MEGF8: variants seen among roughly 807,000 people sequenced by gnomAD.
MEGF8 encodes the protein multiple EGF like domains 8.
In MEGF8, 156 loss-of-function variants were observed where a neutral mutation model predicts 302.9. The observed-to-expected ratio is 0.52, with a 90% CI of 0.45 to 0.59. The LOEUF is 0.59. MEGF8 is among the 20% of genes least tolerant of loss of function. The probability of loss-of-function intolerance (pLI) is 0.00; values close to 1 mark genes in which losing one functional copy is unlikely to be tolerated. For missense variants in MEGF8, 3,345 were observed against 3,964.5 expected (o/e 0.84, Z 4.20); for synonymous variants, 1,621 against 1,660.5 (o/e 0.98, Z 0.58).
chr19:42,367,482 G>A (rs931709816), intron 35 of MEGF8, among the ~76,000 whole-genome samples: 23 of 152,012 alleles, frequency 1.5e-4, no homozygotes, highest in Non-Finnish European at 3.1e-4. Context: ...TAGAGACAGG[G>A]TTTCACCATG....
Position 42,326,033 on chromosome 19 carries a change from T to A in MEGF8, c.-211T>A. 1.4e-6 allele frequency: 1 copy of A among 734,378 alleles called. No homozygotes were observed. 45.5% of individuals were successfully genotyped at this position (734,378 alleles called of 1,614,324 possible). ...ATGACTCCATATACAGGGCCTTCCA[T>A]CGCTCTATAGGGCTCAGCCCTCGGC... On this transcript the variant is annotated 5_prime_UTR_variant, in exon 1 of 42. Coordinates refer to ENST00000251268, the MANE Select transcript of MEGF8 (RefSeq NM_001271938.2).
In MEGF8 at chr19:42,375,482, T is replaced by C; in HGVS notation, c.7270-25T>C. 6.5e-7 allele frequency: 1 copy of C among 1,541,360 alleles called. No homozygotes were observed. The highest frequency in any genetic ancestry group is 1.4e-5 in the African/African-American group (1 of 73,190). On this transcript the variant is annotated intron_variant, in intron 41 of 41. Transcript: ENST00000251268. This position sits in a 1 kb window ranked among gnomAD's most constrained non-coding sequence, Gnocchi z 7.1. ...CTGGCACCGCACTCAGCCCTGATGG[T>C]CACCGCCTCTAACCCTGCCCGCAGT...
In MEGF8 at chr19:42,336,999, G is replaced by A; in HGVS notation, c.1390+47G>A. 1 of 1,613,486 alleles carries A rather than the reference G, an allele frequency of 6.2e-7. No homozygotes were observed. Among genetic ancestry groups the A allele is most frequent in the South Asian group, 1.1e-5 (1 of 91,028 alleles). ...GCCTGCCTGCCTGCTGAGGGCCTGA[G>A]CCAACCCTGAGCTGAGGCTCCCTGC... On this transcript the variant is annotated intron_variant, in intron 7 of 41. Transcript: ENST00000251268. This position sits in a 1 kb window ranked among gnomAD's most constrained non-coding sequence, Gnocchi z 4.8.
chr19:42,349,578 C>G lies in MEGF8; in HGVS notation c.2378C>G (p.Pro793Arg). 6.2e-7 allele frequency: 1 copy of G among 1,611,998 alleles called. No individual in the cohort carries two copies. The highest frequency in any genetic ancestry group is 8.5e-7 in the Non-Finnish European group (1 of 1,179,840). The change falls in exon 14 of 42, where the codon CCT (proline) becomes CGT (arginine). Residue 793 changes from proline (P) to arginine (R), a missense_variant. Coordinates refer to ENST00000251268, the MANE Select transcript of MEGF8 (RefSeq NM_001271938.2). ...CGCCCTGGGTCTGCTCGCCTCTTCC[C>G]TCTGCCTGGGCGGGACCACAAGTAT... is the stretch of plus-strand genomic sequence containing the variant. ...LQRPGSARLF[P>R]LPGRDHKYAV...
Position 42,353,003 on chromosome 19 carries a change from A to G in MEGF8, c.3426A>G (p.Thr1142=), listed in dbSNP as rs137894484. The G allele has an allele frequency of 1.0e-4, 165 of 1,582,856 alleles. No individual in the cohort carries two copies. In the South Asian group the frequency reaches 1.8e-3, roughly 17 times the overall value. ...DFTCVCDLGW[T]SDLPPPTPAP... is the part of the protein sequence containing the mutation. ...CCTGCGTGTGTGACCTAGGCTGGACATCAGACCTGCCCCCTCCCACACCCG... is the reference window on the plus strand; with the variant it reads ...CCTGCGTGTGTGACCTAGGCTGGACGTCAGACCTGCCCCCTCCCACACCCG... The change falls in exon 20 of 42, where the codon ACA becomes ACG. Residue 1142 remains threonine (T), a synonymous_variant. Transcript: ENST00000251268. The surrounding 1 kb of genome is among the most constrained non-coding windows in gnomAD (Gnocchi z 6.1).
intron 1 of MEGF8, among the ~76,000 whole-genome samples, chr19:42,329,789 T>C (rs2039031901): frequency 6.6e-6 from 1 of 151,752 alleles, no homozygotes; most frequent in African/African-American, 2.4e-5. Flanking sequence ...GGCAGATCCC[T>C]TGAGCCTAGG....
intron 41 of MEGF8, among the ~76,000 whole-genome samples, chr19:42,374,470 CAAAAAAAAAAAAA>C (rs58700897): frequency 1.8e-5 from 1 of 56,290 alleles, no homozygotes; most frequent in African/African-American, 5.6e-5. Flanking sequence ...GACTCTGTCT[CAAAAAAAAAAAAA>C]AAAAAAAAAG....
chr19:42,366,517 T>C (rs372557912), intron 35 of MEGF8, among the ~76,000 whole-genome samples: 95 of 152,338 alleles, frequency 6.2e-4, no homozygotes, highest in African/African-American at 2.2e-3. Context: ...TTCTTTTTAA[T>C]GGCTTTGGCC....
Position 42,369,694 on chromosome 19 carries a change from C to T in MEGF8, c.6805C>T (p.His2269Tyr). The stretch of plus-strand genomic sequence containing the variant: ...ATGCGCTGGTGTTGGGGCGCGTGAC[C>T]ACTGCTTGCTCTGCCGCAACCACAC... ...SECAGVGARD[H>Y]CLLCRNHTKG... is the part of the protein sequence containing the mutation. The change falls in exon 38 of 42, where the codon CAC (histidine) becomes TAC (tyrosine). Residue 2269 changes from histidine to tyrosine, a missense_variant. His to Tyr is a moderately conservative substitution (Grantham distance 83, BLOSUM62 2). Coordinates refer to ENST00000251268, the MANE Select transcript of MEGF8 (RefSeq NM_001271938.2). The surrounding 1 kb of genome is among the most constrained non-coding windows in gnomAD (Gnocchi z 5.7). 1.9e-6 allele frequency: 3 copies of T among 1,610,650 alleles called. No individual in the cohort carries two copies. The highest frequency in any genetic ancestry group is 2.5e-6 in the Non-Finnish European group (3 of 1,179,124).
intron 1 of MEGF8, among the ~76,000 whole-genome samples, chr19:42,327,070 C>G (rs2038994486): frequency 6.6e-6 from 1 of 152,156 alleles, no homozygotes; most frequent in Non-Finnish European, 1.5e-5. Flanking sequence ...TTTCCTTCCC[C>G]CACAAATGGG....
Position 42,357,580 on chromosome 19 carries a change from C to T in MEGF8, c.5007C>T (p.Pro1669=), listed in dbSNP as rs755932452. ...CAGGAGCCCAGAGTGGGACACCCCC[C>T]ACAGGTGGGGCTGGGGACCGGGAGG... The part of the protein sequence containing the change: ...WVSGAQSGTP[P]TGLYGHSAVY... Residue 1669 remains proline, a synonymous_variant, in exon 28 of 42, where the codon CCC becomes CCT. Coordinates refer to ENST00000251268, the MANE Select transcript of MEGF8 (RefSeq NM_001271938.2). The surrounding 1 kb of genome is among the most constrained non-coding windows in gnomAD (Gnocchi z 5.2). 7 of 1,601,296 alleles carry T rather than the reference C, an allele frequency of 4.4e-6. No homozygotes were observed. Among genetic ancestry groups the T allele is most frequent in the Non-Finnish European group, 5.1e-6 (6 of 1,174,628 alleles).
chr19:42,376,596 C>A lies in MEGF8; in HGVS notation c.8359C>A (p.Leu2787Met). 6.5e-7 allele frequency: 1 copy of A among 1,549,584 alleles called. No individual in the cohort carries two copies. Among genetic ancestry groups the A allele is most frequent in the Non-Finnish European group, 8.7e-7 (1 of 1,149,816 alleles). Residue 2787 changes from leucine to methionine, a missense_variant, in exon 42 of 42, where the codon CTG becomes ATG. Transcript: ENST00000251268. This position sits in a 1 kb window ranked among gnomAD's most constrained non-coding sequence, Gnocchi z 8.2. ...TGGCGTGGCCACACTGCTGCTCCAG[C>A]TGCCTGGCGGGCCCCATGCACCCAA... ...MAGVATLLLQ[L>M]PGGPHAPNGA...
Position 42,349,618 on chromosome 19 carries a change from G to T in MEGF8, c.2418G>T (p.Gln806His), listed in dbSNP as rs184412435. Residue 806 changes from glutamine to histidine, a missense_variant, in exon 14 of 42, where the codon CAG becomes CAT. Coordinates refer to ENST00000251268, the MANE Select transcript of MEGF8 (RefSeq NM_001271938.2). ...GRDHKYAVEI[Q>H]GQLNGSAGPG... Reference sequence around the variant, plus strand: ...ACCACAAGTATGCAGTAGAGATCCAGGGCCAGCTCAATGGCTCGGCAGGCC... The same window carrying T: ...ACCACAAGTATGCAGTAGAGATCCATGGCCAGCTCAATGGCTCGGCAGGCC... 1.9e-6 allele frequency: 3 copies of T among 1,612,246 alleles called. No homozygotes were observed. The East Asian group carries it at 6.7e-5, about 36-fold the overall frequency.
intron 12 of MEGF8, among the ~76,000 whole-genome samples, chr19:42,345,175 T>C (rs2039271942): frequency 6.6e-6 from 1 of 152,236 alleles, no homozygotes; most frequent in African/African-American, 2.4e-5. Context: ...TTTCACCATG[T>C]TGGTCAGGCT....
At chr19:42,340,453 T>A (rs2039195862) in intron 8 of MEGF8, among the ~76,000 whole-genome samples, 1 of 152,158 alleles carries the variant, frequency 6.6e-6, no homozygotes, top group Non-Finnish European at 1.5e-5. Flanking sequence ...GGTCTCGAAC[T>A]CCTGGCCTCA....
At chr19:42,345,921 CAG>C (rs2039282767) in intron 12 of MEGF8, among the ~76,000 whole-genome samples, 1 of 152,150 alleles carries the variant, frequency 6.6e-6, no homozygotes, top group African/African-American at 2.4e-5. Context: ...GTTGTTGAGA[CAG>C]AGTCTCTCTC....
At position 42,354,526 on chromosome 19, in the gene MEGF8, C is replaced by A. The variant is rs1025896902; in HGVS notation, c.4012-62C>A. On this transcript the variant is annotated intron_variant, in intron 22 of 41. Transcript: ENST00000251268. This position sits in a 1 kb window ranked among gnomAD's most constrained non-coding sequence, Gnocchi z 4.3. ...TCCCCTCTTGAACCCCTCCTCCTCC[C>A]AGACCCCAGGTGTCGTTCTCATCCT... 1.3e-5 allele frequency: 20 copies of A among 1,555,338 alleles called. No homozygotes were observed. In the Admixed American group the frequency reaches 3.4e-4, roughly 26 times the overall value.
At position 42,376,139 on chromosome 19, in the gene MEGF8, G is replaced by T; in HGVS notation, c.7902G>T (p.Gln2634His). The T allele has an allele frequency of 6.2e-7, 1 of 1,609,452 alleles. No homozygotes were observed. ...GPGANGSADS[Q>H]GLLFFRQDQA... ...GCGCCAACGGCTCAGCCGACTCGCA[G>T]GGCCTGCTCTTCTTCCGGCAGGACC... The change falls in exon 42 of 42, where the codon CAG becomes CAT. Residue 2634 changes from glutamine (Q) to histidine (H), a missense_variant. Coordinates refer to ENST00000251268, the MANE Select transcript of MEGF8 (RefSeq NM_001271938.2). The surrounding 1 kb of genome is among the most constrained non-coding windows in gnomAD (Gnocchi z 8.2).
chr19:42,345,061 T>C (rs984943113), intron 12 of MEGF8, among the ~76,000 whole-genome samples: 2 of 152,178 alleles, frequency 1.3e-5, no homozygotes, highest in Non-Finnish European at 2.9e-5. Context: ...AACCTCTGCC[T>C]CCTGGGTTCA....
Sources: gnomAD v4.1 joint callset for allele counts (sites outside exome capture counted in the v4.1 genomes callset) on GRCh38, gnomAD v4.1.1 for gene constraint, Gnocchi (gnomAD v3.1) non-coding constraint, MANE v1.5 for transcripts, NCBI Gene and HGNC (gene_info 2026-07-23, HGNC 2026-07-21) for gene names.